Variants in ABAT observed in about 807,000 individuals in gnomAD.
ABAT encodes 4-aminobutyrate aminotransferase.
A neutral mutation model predicts 64.6 loss-of-function variants in ABAT; 45 were observed. That is an observed-to-expected ratio of 0.70 (90% confidence interval 0.55 to 0.89). The LOEUF is 0.89. Among genes scored for constraint, ABAT ranks in the 40% least tolerant of loss-of-function variants. ABAT has a pLI of 0.00. For missense variants in ABAT, 633 were observed against 658.4 expected, an observed-to-expected ratio of 0.96 and a Z score of 0.42; for synonymous variants, 297 against 250.5, an observed-to-expected ratio of 1.19 and a Z score of -1.75.
chr16:8,772,382 A>G (rs973467720), intron 11 of ABAT, among the ~76,000 whole-genome samples: 1 of 151,650 alleles, frequency 6.6e-6, no homozygotes, highest in Non-Finnish European at 1.5e-5. Flanking sequence ...TGACAGGTGC[A>G]TGTTCCATGT....
At position 8,733,543 on chromosome 16, in the gene ABAT, T is replaced by C. The variant is rs530908541; in HGVS notation, c.-41-2156T>C. On this transcript the variant is annotated intron_variant, in intron 1 of 15. Coordinates refer to ENST00000268251, the MANE Select transcript of ABAT (RefSeq NM_020686.6). ...CCGCTGCACTCCAGCCTGGGCACCA[T>C]TGAGCACTGAGTGAACGAGACTCCG... Among the ~76,000 whole-genome samples the C allele has an allele frequency of 9.5e-4, 145 of 151,954 alleles. 2 individuals are homozygous for C. In the South Asian group the frequency reaches 0.01, roughly 11 times the overall value.
At chr16:8,743,444 TACACACATTTTATA>T (rs2059231997) in intron 2 of ABAT, among the ~76,000 whole-genome samples, 2 of 117,660 alleles carry the variant, frequency 1.7e-5, no homozygotes, top group East Asian at 2.3e-4. Flanking sequence ...TATATATATA[TACACACATTTTATA>T]ATATATTATA....
Position 8,784,207 on chromosome 16 carries a change from T to G in ABAT, c.*2777T>G, listed in dbSNP as rs1157925886. 1 of 152,632 alleles carries G rather than the reference T, an allele frequency of 6.6e-6. No homozygotes were observed. Among genetic ancestry groups the G allele is most frequent in the Non-Finnish European group, 1.5e-5 (1 of 68,018 alleles). 9.5% of individuals were successfully genotyped at this position (152,632 alleles called of 1,614,324 possible). A position where few individuals can be genotyped will look rare whatever the true frequency, so the allele number is the denominator to read the frequency against. On this transcript the variant is annotated 3_prime_UTR_variant, in exon 16 of 16. Coordinates refer to ENST00000268251, the MANE Select transcript of ABAT (RefSeq NM_020686.6). ...TAACCGTCCAGCAAGTGTCATCACT[T>G]TTACAGAAAACAAGGTCCAGTAATA...
intron 1 of ABAT, among the ~76,000 whole-genome samples, chr16:8,706,867 C>T (rs913400969): frequency 6.6e-6 from 1 of 152,166 alleles, no homozygotes; most frequent in Non-Finnish European, 1.5e-5. Flanking sequence ...GGAGTGTTTG[C>T]GACCTGAGTG....
At chr16:8,740,745 G>A (rs866779681) in intron 2 of ABAT, among the ~76,000 whole-genome samples, 5 of 152,228 alleles carry the variant, frequency 3.3e-5, no homozygotes, top group Admixed American at 1.3e-4. Flanking sequence ...ATAGAATACA[G>A]AGAGTGGGAG....
At chr16:8,705,126 A>G (rs1217978463) in intron 1 of ABAT, among the ~76,000 whole-genome samples, 1 of 151,998 alleles carries the variant, frequency 6.6e-6, no homozygotes, top group African/African-American at 2.4e-5. Flanking sequence ...TAAAGATACT[A>G]CCTGAGACTG....
chr16:8,757,226 G>C (rs1314504270), intron 5 of ABAT: 1 of 448,926 alleles, frequency 2.2e-6, no homozygotes, highest in Non-Finnish European at 4.4e-6. Flanking sequence ...GGAGTGCAGT[G>C]GCGTGATCTC....
chr16:8,712,321 G>A (rs1026550018), intron 1 of ABAT, among the ~76,000 whole-genome samples: 1 of 152,172 alleles, frequency 6.6e-6, no homozygotes, highest in African/African-American at 2.4e-5. Flanking sequence ...TGGGGGGAAG[G>A]ATACTGATGT....
At chr16:8,728,050 G>A (rs192739889) in intron 1 of ABAT, among the ~76,000 whole-genome samples, 32 of 149,268 alleles carry the variant, frequency 2.1e-4, no homozygotes, top group African/African-American at 7.0e-4. Flanking sequence ...CAGCCTGGGC[G>A]ACAGAGTGAG....
chr16:8,733,312 A>T (rs1356617970), intron 1 of ABAT, among the ~76,000 whole-genome samples: 1 of 146,260 alleles, frequency 6.8e-6, no homozygotes, highest in Non-Finnish European at 1.5e-5. Context: ...CCTAGGTGGG[A>T]TGGCGGCCGG....
intron 15 of ABAT, among the ~76,000 whole-genome samples, chr16:8,780,194 G>A (rs746842177): frequency 6.6e-6 from 1 of 152,146 alleles, no homozygotes; most frequent in Non-Finnish European, 1.5e-5. Context: ...GAACGGTTGG[G>A]AGGGGATGAA....
intron 1 of ABAT, chr16:8,722,881 T>C (rs2058413979): frequency 7.8e-7 from 1 of 1,288,142 alleles, no homozygotes; most frequent in East Asian, 5.5e-5. Context: ...TGGCAAATTC[T>C]CAGTAATATG....
chr16:8,701,019 C>T (rs1363257147), intron 1 of ABAT, among the ~76,000 whole-genome samples: 4 of 150,736 alleles, frequency 2.7e-5, no homozygotes, highest in African/African-American at 9.8e-5. Context: ...CTCACTGTAA[C>T]CTCTGCTACC....
Position 8,735,261 on chromosome 16 carries a change from G to GT in ABAT, c.-41-430dup, listed in dbSNP as rs369598930. Among the ~76,000 whole-genome samples the GT allele has an allele frequency of 1.9e-3, 293 of 150,920 alleles. 2 individuals are homozygous for GT. Among genetic ancestry groups the GT allele is most frequent in the African/African-American group, 6.5e-3 (265 of 41,058 alleles). ...GTTTTTTTTGTTTTGTTTTGGTTTGGTTTTTTTTGAGACAGGGTATCACTT... is the reference window on the plus strand; with the variant it reads ...GTTTTTTTTGTTTTGTTTTGGTTTGGTTTTTTTTTGAGACAGGGTATCACTT... On this transcript the variant is annotated intron_variant, in intron 1 of 15. Transcript: ENST00000268251.
At chr16:8,684,947 T>C (rs1402646295) in intron 1 of ABAT, among the ~76,000 whole-genome samples, 1 of 152,092 alleles carries the variant, frequency 6.6e-6, no homozygotes, top group Non-Finnish European at 1.5e-5. Flanking sequence ...TGCTTGTCTA[T>C]CAGTTTTCTA....
chr16:8,743,637 T>A (rs2059242562), intron 2 of ABAT, among the ~76,000 whole-genome samples: 2 of 48,564 alleles, frequency 4.1e-5, no homozygotes. Context: ...TATATTTTAG[T>A]TATAATATAT....
intron 5 of ABAT, among the ~76,000 whole-genome samples, chr16:8,753,653 TTAAAGACC>T (rs2142775744): frequency 6.6e-6 from 1 of 152,322 alleles, no homozygotes; most frequent in South Asian, 2.1e-4. Context: ...GAACCAGGAC[TTAAAGACC>T]TTTGGCCCCG....
chr16:8,773,787 T>A (rs1344379353), intron 12 of ABAT, among the ~76,000 whole-genome samples: 1 of 152,232 alleles, frequency 6.6e-6, no homozygotes, highest in Non-Finnish European at 1.5e-5. Flanking sequence ...AGTTCCCACC[T>A]GAGTGAGAAC....
At chr16:8,720,604 C>A (rs986625079) in intron 1 of ABAT, 1 of 152,248 alleles carries the variant, frequency 6.6e-6, no homozygotes, top group African/African-American at 2.4e-5. Flanking sequence ...GTGCCACTGC[C>A]CCTGAATGGG....
Sources: allele counts gnomAD v4.1 joint callset (sites outside exome capture counted in the v4.1 genomes callset), GRCh38; gene constraint gnomAD v4.1.1; transcripts MANE v1.5; gene names NCBI Gene and HGNC (gene_info 2026-07-23, HGNC 2026-07-21).